NRXN3: variants seen among roughly 807,000 people sequenced by gnomAD.
NRXN3 encodes the protein neurexin III.
NRXN3 carries 32 observed loss-of-function variants against 137.6 expected under a neutral mutation model. That is an observed-to-expected ratio of 0.23 (90% CI 0.18 to 0.31). The LOEUF is 0.31. Among genes scored for constraint, NRXN3 ranks in the 10% least tolerant of loss-of-function variants. The probability of loss-of-function intolerance (pLI) is 1.00; values close to 1 mark genes in which losing one functional copy is unlikely to be tolerated. For synonymous variants in NRXN3, 798 were observed against 784.5 expected, an observed-to-expected ratio of 1.02 and a Z score of -0.29; for missense variants, 1,574 against 2,062.5, an observed-to-expected ratio of 0.76 and a Z score of 4.59.
intron 2 of NRXN3, among the ~76,000 whole-genome samples, chr14:78,258,184 G>A (rs2069997961): frequency 6.6e-6 from 1 of 152,142 alleles, no homozygotes; most frequent in Non-Finnish European, 1.5e-5. Context: ...ACAATGCTTG[G>A]CACATAGTAA....
intron 4 of NRXN3, among the ~76,000 whole-genome samples, chr14:78,385,052 C>A (rs1317365922): frequency 6.6e-6 from 1 of 152,040 alleles, no homozygotes; most frequent in Non-Finnish European, 1.5e-5. Context: ...GTCCCATATG[C>A]AAACTGGCCA....
chr14:78,616,769 C>G (rs1379748623), intron 4 of NRXN3, among the ~76,000 whole-genome samples: 1 of 152,158 alleles, frequency 6.6e-6, no homozygotes, highest in Non-Finnish European at 1.5e-5. Flanking sequence ...TTCCTAATTA[C>G]CTTTGGTTTT....
chr14:79,228,629 A>G (rs1045349547), intron 15 of NRXN3, among the ~76,000 whole-genome samples: 2 of 152,160 alleles, frequency 1.3e-5, no homozygotes, highest in African/African-American at 2.4e-5. Context: ...TTCTCCGTAT[A>G]TATGGAGAGA....
chr14:79,173,527 T>A, intron 15 of NRXN3, among the ~76,000 whole-genome samples: 1 of 51,256 alleles, frequency 2.0e-5, no homozygotes, highest in African/African-American at 5.4e-5. Flanking sequence ...CAAGACCTTG[T>A]CTCAAAAAAA....
At chr14:79,783,463 CT>C (rs1244112662) in intron 19 of NRXN3, among the ~76,000 whole-genome samples, 1 of 152,124 alleles carries the variant, frequency 6.6e-6, no homozygotes, top group Non-Finnish European at 1.5e-5. Flanking sequence ...TTTCCTGTCC[CT>C]TTGAAGACTA....
chr14:79,170,361 A>G (rs2061662467), intron 15 of NRXN3, among the ~76,000 whole-genome samples: 1 of 152,118 alleles, frequency 6.6e-6, no homozygotes, highest in African/African-American at 2.4e-5. Flanking sequence ...TTGGTCTTCT[A>G]GGTTCCTTAG....
chr14:78,526,855 C>T (rs2153807922), intron 4 of NRXN3: 1 of 471,478 alleles, frequency 2.1e-6, no homozygotes, highest in Non-Finnish European at 4.2e-6. Context: ...TCCTGATATC[C>T]AAGTCACCCA....
At chr14:79,153,808 GA>G (rs2060010433) in intron 15 of NRXN3, among the ~76,000 whole-genome samples, 1 of 152,054 alleles carries the variant, frequency 6.6e-6, no homozygotes, top group South Asian at 2.1e-4. Context: ...TCCAGTATTT[GA>G]AATGCAGAAG....
chr14:79,765,864 A>G (rs1226994334), intron 19 of NRXN3, among the ~76,000 whole-genome samples: 2 of 152,190 alleles, frequency 1.3e-5, no homozygotes, highest in East Asian at 1.9e-4. Flanking sequence ...TTTTCTTTCA[A>G]AAAGTTTTGT....
chr14:78,336,055 A>C (rs1167237998), intron 4 of NRXN3, among the ~76,000 whole-genome samples: 1 of 152,212 alleles, frequency 6.6e-6, no homozygotes, highest in Non-Finnish European at 1.5e-5. Flanking sequence ...CTGGAGAAGC[A>C]AGTTAAACTC....
intron 16 of NRXN3, among the ~76,000 whole-genome samples, chr14:79,497,482 T>A (rs191216974): frequency 9.9e-5 from 15 of 152,180 alleles, no homozygotes; most frequent in African/African-American, 3.6e-4. Context: ...TTATCTGCCT[T>A]TCTTCCTTAT....
At chr14:79,754,533 T>TGC in intron 19 of NRXN3, among the ~76,000 whole-genome samples, 1 of 92,360 alleles carries the variant, frequency 1.1e-5, no homozygotes, top group South Asian at 4.4e-4. Flanking sequence ...TATATATATA[T>TGC]ATATATATAT....
intron 19 of NRXN3, among the ~76,000 whole-genome samples, chr14:79,713,702 G>T (rs960257708): frequency 6.7e-6 from 1 of 149,256 alleles, no homozygotes; most frequent in African/African-American, 2.5e-5. Flanking sequence ...AAGGCAAAAT[G>T]TTCAACTCTT....
intron 19 of NRXN3, among the ~76,000 whole-genome samples, chr14:79,767,766 G>A (rs2099061066): frequency 6.6e-6 from 1 of 152,152 alleles, no homozygotes; most frequent in Non-Finnish European, 1.5e-5. Context: ...CAGGGGGGAG[G>A]AGCCAAGATG....
chr14:78,668,131 A>G (rs751175117), intron 6 of NRXN3, among the ~76,000 whole-genome samples: 2 of 152,144 alleles, frequency 1.3e-5, no homozygotes, highest in Non-Finnish European at 2.9e-5. Flanking sequence ...TATTAATGTA[A>G]CAGTTCTTAT....
intron 10 of NRXN3, among the ~76,000 whole-genome samples, chr14:78,944,153 C>T (rs2099360742): frequency 6.6e-6 from 1 of 152,126 alleles, no homozygotes; most frequent in Non-Finnish European, 1.5e-5. Flanking sequence ...CAGTTCTTCA[C>T]TTATTTTCTT....
chr14:79,000,677 G>A (rs2099539604), intron 15 of NRXN3, among the ~76,000 whole-genome samples: 1 of 150,356 alleles, frequency 6.7e-6, no homozygotes. Flanking sequence ...TCTGGTTAGA[G>A]CTCACATCAG....
intron 1 of NRXN3, among the ~76,000 whole-genome samples, chr14:78,200,539 G>A (rs59038860): frequency 6.6e-6 from 1 of 152,206 alleles, no homozygotes; most frequent in South Asian, 2.1e-4. Context: ...GTTTTTAGAA[G>A]CCTTTCAGGT....
intron 15 of NRXN3, among the ~76,000 whole-genome samples, chr14:79,263,270 A>G (rs2077916988): frequency 6.6e-6 from 1 of 152,232 alleles, no homozygotes; most frequent in Non-Finnish European, 1.5e-5. Context: ...AAATATTGGC[A>G]TATTTCTTTT....
Sources: allele counts gnomAD v4.1 joint callset (sites outside exome capture counted in the v4.1 genomes callset), GRCh38; gene constraint gnomAD v4.1.1; transcripts MANE v1.5; gene names NCBI Gene and HGNC (gene_info 2026-07-23, HGNC 2026-07-21).